TPD52L1: variants seen among roughly 807,000 people sequenced by gnomAD.
TPD52L1 encodes the protein TPD52 like 1.
In TPD52L1, 18 loss-of-function variants were observed where a neutral mutation model predicts 28.7. That is an observed-to-expected ratio of 0.63 (90% CI 0.43 to 0.93). The LOEUF (loss-of-function observed/expected upper bound fraction) is 0.93. TPD52L1 is among the 40% of genes least tolerant of loss of function. The pLI is 0.00. For missense variants in TPD52L1, 203 were observed against 254.8 expected, an observed-to-expected ratio of 0.80 and a Z score of 1.39; for synonymous variants, 75 against 88.8, an observed-to-expected ratio of 0.84 and a Z score of 0.88.
At chr6:125,221,071 C>G (rs1795199939) in intron 2 of TPD52L1, among the ~76,000 whole-genome samples, 1 of 152,190 alleles carries the variant, frequency 6.6e-6, no homozygotes, top group Non-Finnish European at 1.5e-5. Context: ...CCTCTCCCCA[C>G]TTTGTCCACT....
chr6:125,253,575 T>A, intron 4 of TPD52L1, 142 bp from the exon 5 acceptor site: 1 of 748,484 alleles, frequency 1.3e-6, no homozygotes, highest in Non-Finnish European at 2.2e-6. Flanking sequence ...CAAAAACAAA[T>A]GTCATCTTGG....
At chr6:125,204,664 A>G (rs1794002800) in intron 1 of TPD52L1, among the ~76,000 whole-genome samples, 1 of 152,070 alleles carries the variant, frequency 6.6e-6, no homozygotes, top group African/African-American at 2.4e-5. Flanking sequence ...TATTTTTAAT[A>G]GAGACGGGGT....
chr6:125,237,428 C>G (rs1341566273), intron 3 of TPD52L1, among the ~76,000 whole-genome samples: 1 of 151,984 alleles, frequency 6.6e-6, no homozygotes, highest in Non-Finnish European at 1.5e-5. Flanking sequence ...ACAGGGCTTT[C>G]CTGATGAATT....
chr6:125,182,550 G>T (rs1211390623), intron 1 of TPD52L1, among the ~76,000 whole-genome samples: 1 of 152,124 alleles, frequency 6.6e-6, no homozygotes, highest in African/African-American at 2.4e-5. Context: ...TCCAGGCATT[G>T]GGTACAGCTT....
chr6:125,172,144 CTTTCTTTCTTTCTT>C (rs1562211137), intron 1 of TPD52L1, among the ~76,000 whole-genome samples: 16 of 60,628 alleles, frequency 2.6e-4, no homozygotes, highest in African/African-American at 1.4e-3. Flanking sequence ...TTCTTTCTTT[CTTTCTTTCTTTCTT>C]TTCTTTCTTT....
intron 6 of TPD52L1, chr6:125,260,935 A>G (rs1169138398): frequency 7.7e-5 from 1 of 12,936 alleles, no homozygotes; most frequent in Non-Finnish European, 1.1e-4. Flanking sequence ...AAAGAAAGAA[A>G]GAAAGAAAGA....
At chr6:125,195,801 A>T (rs1793391099) in intron 1 of TPD52L1, among the ~76,000 whole-genome samples, 1 of 152,214 alleles carries the variant, frequency 6.6e-6, no homozygotes, top group Non-Finnish European at 1.5e-5. Flanking sequence ...GCAACTTCTC[A>T]GACCATTGTT....
intron 1 of TPD52L1, among the ~76,000 whole-genome samples, chr6:125,170,820 T>C (rs1791251826): frequency 6.6e-6 from 1 of 152,214 alleles, no homozygotes; most frequent in African/African-American, 2.4e-5. Flanking sequence ...CTCTTCTAGC[T>C]GAGCCTTTGT....
chr6:125,219,023 G>A (rs546821494), intron 1 of TPD52L1, among the ~76,000 whole-genome samples: 18 of 152,270 alleles, frequency 1.2e-4, no homozygotes, highest in Middle Eastern at 3.4e-3. Flanking sequence ...CCCTAAAACC[G>A]GCAGAAACTT....
intron 1 of TPD52L1, among the ~76,000 whole-genome samples, chr6:125,203,472 A>G (rs978100530): frequency 6.6e-6 from 1 of 152,192 alleles, no homozygotes; most frequent in African/African-American, 2.4e-5. Context: ...GGTTTGAAAT[A>G]GGAAGAGTAT....
At chr6:125,220,713 A>G (rs1795178226) in intron 2 of TPD52L1, among the ~76,000 whole-genome samples, 1 of 152,224 alleles carries the variant, frequency 6.6e-6, no homozygotes, top group Admixed American at 6.5e-5. Context: ...GCAATGCTTC[A>G]TCGAGGCCTA....
At chr6:125,246,257 G>A (rs1433584578) in intron 3 of TPD52L1, among the ~76,000 whole-genome samples, 1 of 152,154 alleles carries the variant, frequency 6.6e-6, no homozygotes, top group Non-Finnish European at 1.5e-5. Flanking sequence ...GTGGTTCAGA[G>A]GCAGTGGGTT....
intron 1 of TPD52L1, among the ~76,000 whole-genome samples, chr6:125,208,630 C>T (rs73771272): frequency 0.049 from 7,381 of 152,096 alleles, 327 homozygotes; most frequent in African/African-American, 0.12. Context: ...ACAGTAAGTA[C>T]GTTTGCCTTT....
chr6:125,163,155 T>A (rs759082151), intron 1 of TPD52L1, among the ~76,000 whole-genome samples: 3 of 152,184 alleles, frequency 2.0e-5, no homozygotes, highest in African/African-American at 4.8e-5. Context: ...CACCTAGAAC[T>A]AATGAGAGGA....
intron 2 of TPD52L1, among the ~76,000 whole-genome samples, chr6:125,227,272 T>C (rs1441644877): frequency 2.0e-5 from 3 of 152,220 alleles, no homozygotes; most frequent in African/African-American, 4.8e-5. Flanking sequence ...TACGTGATTA[T>C]TTGTGTATAT....
At chr6:125,158,573 AGG>A (rs1790298867) in intron 1 of TPD52L1, among the ~76,000 whole-genome samples, 1 of 49,386 alleles carries the variant, frequency 2.0e-5, no homozygotes, top group African/African-American at 3.2e-4. Flanking sequence ...AAAATAAATG[AGG>A]ATAAGAAGAG....
intron 1 of TPD52L1, among the ~76,000 whole-genome samples, chr6:125,156,224 G>C (rs1790105935): frequency 6.6e-6 from 1 of 152,116 alleles, no homozygotes; most frequent in Non-Finnish European, 1.5e-5. Flanking sequence ...AGCACTTCGG[G>C]AGGCCAAGGT....
chr6:125,211,693 T>C (rs1327017650), intron 1 of TPD52L1, among the ~76,000 whole-genome samples: 2 of 152,210 alleles, frequency 1.3e-5, no homozygotes, highest in Non-Finnish European at 2.9e-5. Context: ...ATTTCAAGCA[T>C]TGGCTTTAGG....
chr6:125,186,517 T>C (rs2114841278), intron 1 of TPD52L1, among the ~76,000 whole-genome samples: 1 of 152,312 alleles, frequency 6.6e-6, no homozygotes, highest in South Asian at 2.1e-4. Flanking sequence ...ATTAATATTA[T>C]ATTTAGTGTA....
Sources: allele counts gnomAD v4.1 joint callset (sites outside exome capture counted in the v4.1 genomes callset), GRCh38; gene constraint gnomAD v4.1.1; transcripts MANE v1.5; gene names NCBI Gene and HGNC (gene_info 2026-07-23, HGNC 2026-07-21).